The following FBXO10 variants were observed in gnomAD, a reference collection of about 807,000 sequenced individuals.
The protein encoded by FBXO10 is F-box protein 10, also known as F-box only protein 10.
Under a neutral mutation model 80.7 loss-of-function variants are expected in FBXO10, and 39 were observed. That is an observed-to-expected ratio of 0.48 (90% confidence interval 0.37 to 0.63). The LOEUF is 0.63. Ranked by LOEUF, FBXO10 falls within the 30% of genes least tolerant of loss-of-function variation. The pLI is 0.00. For synonymous variants in FBXO10, 449 were observed against 489.6 expected (o/e 0.92, Z 1.09); for missense variants, 1,025 against 1,269.0 (o/e 0.81, Z 2.92).
At chr9:37,541,921 C>A in intron 1 of FBXO10, 147 bp from the exon 2 acceptor site, 1 of 672,452 alleles carries the variant, frequency 1.5e-6, no homozygotes, top group Non-Finnish European at 2.4e-6. Context: ...CCTCCACCTC[C>A]CAGATTCAAG....
rs1445999676 is a variant in FBXO10 at position 37,522,983 on chromosome 9, G to A, written c.1778-6C>T. ...ATTCTCACGGATGACATTTTCTATG[G>A]AGAGAAGCAGAAAAGAAGGTCAGTA... On this transcript the variant is annotated splice_region_variant and splice_polypyrimidine_tract_variant and intron_variant, in intron 6 of 10. Transcript: ENST00000432825. 5 of 1,588,162 alleles carry A rather than the reference G, an allele frequency of 3.1e-6. No homozygotes were observed. The highest frequency in any genetic ancestry group is 2.6e-6 in the Non-Finnish European group (3 of 1,167,570).
chr9:37,526,333 T>C (rs1257145772), intron 5 of FBXO10, among the ~76,000 whole-genome samples: 19 of 152,214 alleles, frequency 1.2e-4, no homozygotes, highest in Admixed American at 1.2e-3. Context: ...TACAGGGATC[T>C]TAAACTTCAT....
chr9:37,572,775 T>C (rs1285948742), intron 1 of FBXO10, among the ~76,000 whole-genome samples: 2 of 152,244 alleles, frequency 1.3e-5, no homozygotes, highest in African/African-American at 4.8e-5. Flanking sequence ...GTGTATTTCC[T>C]TTAGAGTTAT....
chr9:37,564,415 G>T (rs1470725497), intron 1 of FBXO10, among the ~76,000 whole-genome samples: 1 of 152,096 alleles, frequency 6.6e-6, no homozygotes, highest in African/African-American at 2.4e-5. Flanking sequence ...TGAGAAGAAG[G>T]TCACCATCCT....
At chr9:37,554,379 C>T (rs188968964) in intron 1 of FBXO10, among the ~76,000 whole-genome samples, 2 of 152,298 alleles carry the variant, frequency 1.3e-5, no homozygotes, top group East Asian at 1.9e-4. Context: ...GATGGAGGCT[C>T]ATCCTACTTG....
intron 2 of FBXO10, among the ~76,000 whole-genome samples, chr9:37,538,417 C>T (rs1482580562): frequency 6.6e-6 from 1 of 152,156 alleles, no homozygotes; most frequent in Non-Finnish European, 1.5e-5. Flanking sequence ...TGGTTAAAAG[C>T]ATGGGCTCTG....
At chr9:37,548,451 G>T (rs1822112140) in intron 1 of FBXO10, among the ~76,000 whole-genome samples, 1 of 152,100 alleles carries the variant, frequency 6.6e-6, no homozygotes, top group Non-Finnish European at 1.5e-5. Context: ...GCATATCATT[G>T]CATGTAAACA....
At chr9:37,543,012 GT>G (rs145657809) in intron 1 of FBXO10, among the ~76,000 whole-genome samples, 5,191 of 152,258 alleles carry the variant, frequency 0.034, 284 homozygotes, top group African/African-American at 0.12. Flanking sequence ...GGCAGTGACT[GT>G]CCATCTGTCT....
rs573521504 is a variant in FBXO10 at position 37,571,787 on chromosome 9, G to C, written c.-7+4424C>G. Among the ~76,000 whole-genome samples the C allele has an allele frequency of 7.7e-5, 10 of 129,232 alleles. 1 individual carries two copies. The Admixed American group carries it at 8.1e-4, about 11-fold the overall frequency. The allele number at this position is 129,232 out of a possible 152,430, so 84.8% of individuals were successfully genotyped here. A position where few individuals can be genotyped will look rare whatever the true frequency, so the allele number is the denominator to read the frequency against. On this transcript the variant is annotated intron_variant, in intron 1 of 10. Coordinates refer to ENST00000432825, the MANE Select transcript of FBXO10 (RefSeq NM_012166.3). ...AATCAATTTAAAAAATTTAAAAATG[G>C]CAAGAGACATGAATAGACAGTTCAC...
chr9:37,555,547 A>C (rs2119165151), intron 1 of FBXO10, among the ~76,000 whole-genome samples: 3 of 151,906 alleles, frequency 2.0e-5, no homozygotes, highest in African/African-American at 7.2e-5. Context: ...TGCCCAGCTA[A>C]TTTTTGTATT....
chr9:37,518,316 T>C lies in FBXO10; in HGVS notation c.2323A>G (p.Ser775Gly). 6.2e-7 allele frequency: 1 copy of C among 1,614,066 alleles called. No homozygotes were observed. The highest frequency in any genetic ancestry group is 1.1e-5 in the South Asian group (1 of 91,090). The change falls in exon 9 of 11, where the codon AGC becomes GGC. Residue 775 changes from serine (S) to glycine (G), a missense_variant. Physicochemically the swap from Ser to Gly is moderately conservative, Grantham distance 56. Coordinates refer to ENST00000432825, the MANE Select transcript of FBXO10 (RefSeq NM_012166.3). ...CCACTTTGCCGGTTGCAGGAGATGC[T>C]GTTGTTGGCCACTCGGGTGGGTTGG... ...SSQPTRVANN[S>G]ISCNRQSGVK...
Position 37,537,863 on chromosome 9 carries a change from T to G in FBXO10, c.666A>C (p.Gln222His). 3 of 1,613,946 alleles carry G rather than the reference T, an allele frequency of 1.9e-6. No individual in the cohort carries two copies. The highest frequency in any genetic ancestry group is 2.5e-6 in the Non-Finnish European group (3 of 1,179,872). ...HIQVHGPGTCQVKFCTFKNTH... is the reference protein window; with the variant it reads ...HIQVHGPGTCHVKFCTFKNTH... The stretch of plus-strand genomic sequence containing the variant: ...TGTTTTTGAAGGTACAGAACTTCAC[T>G]TGGCAAGTACCCGGGCCATGGACCT... The change falls in exon 3 of 11, where the codon CAA (glutamine) becomes CAC (histidine). Residue 222 changes from glutamine to histidine, a missense_variant. By Grantham distance (24) the Gln-to-His change is conservative. This residue lies in a region of FBXO10 where 450 missense variants were observed against 499.4 expected (regional missense o/e 0.90). Coordinates refer to ENST00000432825, the MANE Select transcript of FBXO10 (RefSeq NM_012166.3).
intron 1 of FBXO10, among the ~76,000 whole-genome samples, chr9:37,573,949 T>C (rs1822826811): frequency 6.6e-6 from 1 of 152,164 alleles, no homozygotes; most frequent in Non-Finnish European, 1.5e-5. Context: ...AACTCAAGAA[T>C]AGGTTCATTC....
rs368622780 is a variant in FBXO10 at position 37,537,613 on chromosome 9, G to C, written c.916C>G (p.Pro306Ala). Reference protein sequence around the residue: ...DLESRDQAWSPKTCDIVIEGS... With the variant: ...DLESRDQAWSAKTCDIVIEGS... ...TCGATAACAATGTCACAGGTCTTTG[G>C]GCTCCAGGCCTGGTCCCGGCTCTCT... Residue 306 changes from proline to alanine, a missense_variant, in exon 3 of 11, where the codon CCA (proline) becomes GCA (alanine). Pro to Ala is a conservative substitution (Grantham distance 27, BLOSUM62 -1). This residue lies in a region of FBXO10 where 450 missense variants were observed against 499.4 expected (regional missense o/e 0.90). Coordinates refer to ENST00000432825, the MANE Select transcript of FBXO10 (RefSeq NM_012166.3). 1 of 1,613,980 alleles carries C rather than the reference G, an allele frequency of 6.2e-7. No homozygotes were observed. The highest frequency in any genetic ancestry group is 1.7e-5 in the Admixed American group (1 of 60,028).
chr9:37,564,894 T>G (rs1822566377), intron 1 of FBXO10, among the ~76,000 whole-genome samples: 1 of 152,196 alleles, frequency 6.6e-6, no homozygotes, highest in Non-Finnish European at 1.5e-5. Flanking sequence ...TGGAAAGGAA[T>G]GACAGTGTTT....
In FBXO10 at chr9:37,537,752, C is replaced by T; in HGVS notation, c.777G>A (p.Glu259=). 2 of 1,613,996 alleles carry T rather than the reference C, an allele frequency of 1.2e-6. No individual in the cohort carries two copies. The highest frequency in any genetic ancestry group is 8.5e-7 in the Non-Finnish European group (1 of 1,179,882). The part of the protein sequence containing the change: ...VGSENNSVTV[E]GHPSADKNWA... ...AGTTCTTATCTGCAGATGGGTGACC[C>T]TCAACAGTCACAGAGTTGTTTTCAC... The change falls in exon 3 of 11, where the codon GAG becomes GAA. Residue 259 remains glutamate (E), a synonymous_variant. Transcript: ENST00000432825.
chr9:37,565,858 A>G (rs901429394), intron 1 of FBXO10, among the ~76,000 whole-genome samples: 10 of 152,188 alleles, frequency 6.6e-5, no homozygotes, highest in African/African-American at 2.4e-4. Context: ...CAGAGGAGGA[A>G]GAAAGGGGGC....
intron 5 of FBXO10, among the ~76,000 whole-genome samples, chr9:37,527,071 G>A (rs992547384): frequency 6.6e-6 from 1 of 151,880 alleles, no homozygotes; most frequent in African/African-American, 2.4e-5. Context: ...GGCTGATCTC[G>A]AACTCCTGAC....
intron 4 of FBXO10, among the ~76,000 whole-genome samples, chr9:37,530,268 T>G (rs937911768): frequency 3.3e-5 from 5 of 152,236 alleles, no homozygotes; most frequent in African/African-American, 4.8e-5. Flanking sequence ...GTGTTTCGTG[T>G]GCAAACTCTC....
Sources: gnomAD v4.1 joint callset for allele counts (sites outside exome capture counted in the v4.1 genomes callset) on GRCh38, gnomAD v4.1.1 for gene constraint, gnomAD v4.1.1 regional missense constraint, MANE v1.5 for transcripts, NCBI Gene and HGNC (gene_info 2026-07-23, HGNC 2026-07-21) for gene names.